Variants in TRPM7 observed in about 807,000 individuals in gnomAD.
TRPM7 encodes transient receptor potential cation channel subfamily M member 7, also known as LTRPC ion channel family member 7.
In TRPM7, 134 loss-of-function variants were observed where a neutral mutation model predicts 229.7. That is an observed-to-expected ratio of 0.58 (90% CI 0.51 to 0.67). TRPM7 has a LOEUF of 0.67. Among genes scored for constraint, TRPM7 ranks in the 30% least tolerant of loss-of-function variants. The pLI is 0.00. For missense variants in TRPM7, 1,901 were observed against 2,210.0 expected, an observed-to-expected ratio of 0.86 and a Z score of 2.80; for synonymous variants, 699 against 715.2, an observed-to-expected ratio of 0.98 and a Z score of 0.36.
At chr15:50,589,367 T>C in intron 27 of TRPM7, among the ~76,000 whole-genome samples, 1 of 151,978 alleles carries the variant, frequency 6.6e-6, no homozygotes, top group Admixed American at 6.6e-5. Flanking sequence ...TAGCTGATGT[T>C]TTTTATTTAG....
chr15:50,624,188 C>G lies in TRPM7; in HGVS notation c.1418G>C (p.Arg473Thr). 1.2e-6 allele frequency: 2 copies of G among 1,609,536 alleles called. No individual in the cohort carries two copies. Among genetic ancestry groups the G allele is most frequent in the Non-Finnish European group, 1.7e-6 (2 of 1,178,496 alleles). Reference protein sequence around the residue: ...VSMHKFLTIPRLEELYNTKQG... With the variant: ...VSMHKFLTIPTLEELYNTKQG... ...TACAGTGTTGTAAAGTTCTTCCAGT[C>G]TCGGAATGGTAAGGAATTTATGCAT... Residue 473 changes from arginine (R) to threonine (T), a missense_variant, in exon 12 of 39, where the codon AGA becomes ACA. Arg to Thr is a moderately conservative substitution (Grantham distance 71). Transcript: ENST00000646667.
At chr15:50,562,085 A>G (rs2053342555) in intron 38 of TRPM7, among the ~76,000 whole-genome samples, 1 of 151,674 alleles carries the variant, frequency 6.6e-6, no homozygotes, top group African/African-American at 2.4e-5. Flanking sequence ...TAGTAGAGAC[A>G]GGGTTTCACC....
intron 3 of TRPM7, among the ~76,000 whole-genome samples, chr15:50,656,686 A>G (rs2061583114): frequency 6.6e-6 from 1 of 151,830 alleles, no homozygotes; most frequent in African/African-American, 2.4e-5. Context: ...AAACTCTTCA[A>G]TATATCTAAA....
intron 10 of TRPM7, among the ~76,000 whole-genome samples, chr15:50,631,031 T>C (rs969384086): frequency 6.6e-6 from 1 of 152,092 alleles, no homozygotes. Context: ...TGGGTCTATC[T>C]TGTCCAGGCT....
intron 38 of TRPM7, among the ~76,000 whole-genome samples, chr15:50,563,323 A>G (rs549406854): frequency 2.6e-5 from 4 of 152,380 alleles, no homozygotes; most frequent in African/African-American, 9.6e-5. Flanking sequence ...CATCATAGAT[A>G]CAAGCTATGA....
At chr15:50,615,796 T>G (rs558554687) in intron 13 of TRPM7, among the ~76,000 whole-genome samples, 1 of 152,140 alleles carries the variant, frequency 6.6e-6, no homozygotes, top group African/African-American at 2.4e-5. Flanking sequence ...CTCAGAAGGC[T>G]GAGGCAGAAG....
At chr15:50,643,647 AG>A in intron 4 of TRPM7, 94 bp from the exon 5 acceptor site, 1 of 888,802 alleles carries the variant, frequency 1.1e-6, no homozygotes, top group Non-Finnish European at 1.7e-6. Flanking sequence ...TATATGAATC[AG>A]ATTATGTAAA....
chr15:50,660,569 C>T (rs759115801), intron 2 of TRPM7, among the ~76,000 whole-genome samples: 2 of 152,110 alleles, frequency 1.3e-5, no homozygotes, highest in Non-Finnish European at 2.9e-5. Flanking sequence ...GCATGAGAAT[C>T]GCTTGAACCC....
At chr15:50,565,499 T>C (rs1162286308) in intron 38 of TRPM7, among the ~76,000 whole-genome samples, 1 of 152,174 alleles carries the variant, frequency 6.6e-6, no homozygotes, top group Non-Finnish European at 1.5e-5. Flanking sequence ...ATTACCATGA[T>C]ATTATTAATA....
intron 1 of TRPM7, among the ~76,000 whole-genome samples, chr15:50,664,747 G>C (rs1439958695): frequency 6.6e-6 from 1 of 152,106 alleles, no homozygotes; most frequent in African/African-American, 2.4e-5. Flanking sequence ...GATGGCTTGA[G>C]TCTGTGAGTT....
chr15:50,627,435 C>T (rs1320437415), intron 11 of TRPM7, among the ~76,000 whole-genome samples: 1 of 152,016 alleles, frequency 6.6e-6, no homozygotes, highest in African/African-American at 2.4e-5. Flanking sequence ...GATAGAGAGA[C>T]AGGCAAGTAC....
At chr15:50,563,171 G>C (rs1045611213) in intron 38 of TRPM7, among the ~76,000 whole-genome samples, 1 of 152,230 alleles carries the variant, frequency 6.6e-6, no homozygotes, top group African/African-American at 2.4e-5. Context: ...CTGGAATGCA[G>C]TCACACTCAT....
At position 50,585,050 on chromosome 15, in the gene TRPM7, A is replaced by ATTTT. The variant is rs755433337; in HGVS notation, c.4486+1338_4486+1341dup. Among the ~76,000 whole-genome samples, 295 of 95,010 alleles carry ATTTT rather than the reference A, an allele frequency of 3.1e-3. 4 individuals are homozygous for ATTTT. Among genetic ancestry groups the ATTTT allele is most frequent in the East Asian group, 4.3e-3 (14 of 3,272 alleles). 62.3% of individuals were successfully genotyped at this position (95,010 alleles called of 152,430 possible). A position where few individuals can be genotyped will look rare whatever the true frequency, so the allele number is the denominator to read the frequency against. Reference sequence around the variant, plus strand: ...GCCACCACATCTAGCTAATTTTTGTATTTTTTTTTTTTTTTTTTTTTTGAG... The same window carrying ATTTT: ...GCCACCACATCTAGCTAATTTTTGTATTTTTTTTTTTTTTTTTTTTTTTTTTGAG... On this transcript the variant is annotated intron_variant, in intron 28 of 38. Transcript: ENST00000646667.
At position 50,667,797 on chromosome 15, in the gene TRPM7, T is replaced by G. The variant is rs186950234; in HGVS notation, c.4-4751A>C. On this transcript the variant is annotated intron_variant, in intron 1 of 38. Transcript: ENST00000646667. Reference sequence around the variant, plus strand: ...TTTATTAAGAACTGGGTTTCACATATCAATAATGCACTAGTCCAACAGTGA... The same window carrying G: ...TTTATTAAGAACTGGGTTTCACATAGCAATAATGCACTAGTCCAACAGTGA... Among the ~76,000 whole-genome samples the G allele has an allele frequency of 1.4e-3, 213 of 152,300 alleles. 1 individual carries two copies. The Middle Eastern group carries it at 0.044, about 32-fold the overall frequency.
chr15:50,685,185 T>TGA (rs2062329528), intron 1 of TRPM7, among the ~76,000 whole-genome samples: 1 of 152,208 alleles, frequency 6.6e-6, no homozygotes, highest in African/African-American at 2.4e-5. Context: ...CATGTTGGCC[T>TGA]GGCGCGGTGG....
intron 21 of TRPM7, chr15:50,603,900 T>C (rs1021084707): frequency 6.6e-6 from 1 of 151,632 alleles, no homozygotes. Context: ...ACAAGAAGTC[T>C]GAAACAAACA....
intron 1 of TRPM7, among the ~76,000 whole-genome samples, chr15:50,667,574 C>A (rs1405376456): frequency 6.6e-6 from 1 of 152,028 alleles, no homozygotes; most frequent in African/African-American, 2.4e-5. Flanking sequence ...GGGAATGGTG[C>A]CTTGCACCTG....
chr15:50,564,903 C>T (rs893922612), intron 38 of TRPM7, among the ~76,000 whole-genome samples: 11 of 152,068 alleles, frequency 7.2e-5, no homozygotes, highest in Non-Finnish European at 1.6e-4. Flanking sequence ...AATTATAGCT[C>T]ACCTTAATTA....
chr15:50,627,541 T>C (rs1166817588), intron 11 of TRPM7, among the ~76,000 whole-genome samples: 2 of 152,174 alleles, frequency 1.3e-5, no homozygotes, highest in Admixed American at 6.5e-5. Context: ...AGTAGTAGCA[T>C]GTAAGGCTCT....
Sources: allele counts gnomAD v4.1 joint callset (sites outside exome capture counted in the v4.1 genomes callset), GRCh38; gene constraint gnomAD v4.1.1; transcripts MANE v1.5; gene names NCBI Gene and HGNC (gene_info 2026-07-23, HGNC 2026-07-21).